The following ACSM3 variants were observed in gnomAD, a reference collection of about 807,000 sequenced individuals.
ACSM3 encodes acyl-CoA synthetase medium chain family member 3.
ACSM3 carries 61 observed loss-of-function variants against 74.1 expected under a neutral mutation model. The ratio of observed to expected loss-of-function variants is 0.82; its 90% CI spans 0.67 to 1.02. The LOEUF (loss-of-function observed/expected upper bound fraction) is 1.02. Among genes scored for constraint, ACSM3 ranks in the 50% least tolerant of loss-of-function variants. The pLI is 0.00. For synonymous variants in ACSM3, 213 were observed against 241.5 expected (o/e 0.88, Z 1.09); for missense variants, 660 against 697.0 (o/e 0.95, Z 0.60).
intron 1 of ACSM3, among the ~76,000 whole-genome samples, chr16:20,739,909 A>G (rs1044384805): frequency 1.3e-5 from 2 of 152,154 alleles, no homozygotes; most frequent in Admixed American, 6.5e-5. Flanking sequence ...TTTCAAAAGC[A>G]TCCTGACAGT....
rs2080566601 is a variant in ACSM3 at position 20,790,201 on chromosome 16, C to T, written c.1225-386C>T. Among the ~76,000 whole-genome samples, 1 of 151,956 alleles carries T rather than the reference C, an allele frequency of 6.6e-6. No individual in the cohort carries two copies. Among genetic ancestry groups the T allele is most frequent in the Admixed American group, 6.6e-5 (1 of 15,252 alleles). ...GTGCAGTGGCTCATGCCTATAATCCCAGCACTTTGGGAGGCCAAGGCTGGA... is the reference window on the plus strand; with the variant it reads ...GTGCAGTGGCTCATGCCTATAATCCTAGCACTTTGGGAGGCCAAGGCTGGA... On this transcript the variant is annotated intron_variant, in intron 9 of 13. Transcript: ENST00000289416. The surrounding 1 kb of genome is among the most constrained non-coding windows in gnomAD (Gnocchi z 4.0).
chr16:20,777,943 C>G (rs927452593), intron 4 of ACSM3, among the ~76,000 whole-genome samples: 12 of 152,214 alleles, frequency 7.9e-5, no homozygotes, highest in African/African-American at 2.9e-4. Flanking sequence ...GAAGGACCTC[C>G]TCAAAGCTGT....
chr16:20,677,240 A>G (rs527652108), intron 1 of ACSM3, among the ~76,000 whole-genome samples: 50 of 151,882 alleles, frequency 3.3e-4, no homozygotes, highest in African/African-American at 1.2e-3. Flanking sequence ...AAAAAAAAAA[A>G]AGCCTTGACT....
chr16:20,691,034 G>A (rs763086324), intron 1 of ACSM3: 5 of 1,613,440 alleles, frequency 3.1e-6, no homozygotes, highest in Non-Finnish European at 4.2e-6. Context: ...TACATAACTT[G>A]CAAAGTTAAA....
At chr16:20,777,654 G>A (rs2152462187) in intron 4 of ACSM3, 74 bp downstream of exon 4, 1 of 1,342,468 alleles carries the variant, frequency 7.4e-7, no homozygotes, top group Non-Finnish European at 1.0e-6. Context: ...AAACCCAGCA[G>A]TGATTAGAAA....
intron 1 of ACSM3, among the ~76,000 whole-genome samples, chr16:20,678,283 C>T (rs1165143852): frequency 6.6e-6 from 1 of 151,980 alleles, no homozygotes; most frequent in Non-Finnish European, 1.5e-5. Context: ...AAGGAACTGA[C>T]CTGAAAAAAA....
At chr16:20,697,944 C>G (rs909887630) in intron 1 of ACSM3, among the ~76,000 whole-genome samples, 6 of 152,150 alleles carry the variant, frequency 3.9e-5, no homozygotes, top group African/African-American at 1.4e-4. Context: ...CCTGTAATCC[C>G]AGCACATTGG....
intron 1 of ACSM3, chr16:20,697,603 A>G (rs2079696929): frequency 6.8e-6 from 1 of 146,286 alleles, no homozygotes; most frequent in South Asian, 2.2e-4. Context: ...ACACACACAC[A>G]CAGATAGAAG....
At chr16:20,741,960 C>G in intron 1 of ACSM3, 1 of 1,530,552 alleles carries the variant, frequency 6.5e-7, no homozygotes. Flanking sequence ...CGCCTCCCGA[C>G]TGCAACCTGA....
intron 1 of ACSM3, among the ~76,000 whole-genome samples, chr16:20,739,683 T>A (rs1009784128): frequency 1.3e-5 from 2 of 151,868 alleles, no homozygotes; most frequent in African/African-American, 4.8e-5. Context: ...TAGCCCGATG[T>A]GGTGGCAGAC....
At chr16:20,720,724 T>C (rs1334685106) in intron 1 of ACSM3, among the ~76,000 whole-genome samples, 2 of 152,258 alleles carry the variant, frequency 1.3e-5, no homozygotes, top group Non-Finnish European at 2.9e-5. Context: ...AACCTACATT[T>C]GTAAAATAAG....
At chr16:20,760,502 A>G (rs907453466), upstream of ACSM3, among the ~76,000 whole-genome samples, 1 of 152,210 alleles carries the variant, frequency 6.6e-6, no homozygotes, top group Admixed American at 6.5e-5. Context: ...TTAATCAAGC[A>G]TTACAACATT....
chr16:20,693,141 G>T (rs1039286705), intron 1 of ACSM3, among the ~76,000 whole-genome samples: 1 of 150,500 alleles, frequency 6.6e-6, no homozygotes, highest in Non-Finnish European at 1.5e-5. Flanking sequence ...CTGCACTGAA[G>T]CCTGGGCAAC....
chr16:20,776,094 G>C (rs2080253009), intron 3 of ACSM3, 45 bp downstream of exon 3: 1 of 1,593,164 alleles, frequency 6.3e-7, no homozygotes, highest in South Asian at 1.1e-5. Context: ...CTAAGCTGGA[G>C]GGGAGATTTT....
intron 1 of ACSM3, among the ~76,000 whole-genome samples, chr16:20,686,715 G>A (rs1201653695): frequency 6.6e-6 from 1 of 152,200 alleles, no homozygotes; most frequent in Non-Finnish European, 1.5e-5. Flanking sequence ...TTGGGAGGCT[G>A]AGGCAGGAGG....
intron 1 of ACSM3, among the ~76,000 whole-genome samples, chr16:20,744,095 C>G (rs1460136914): frequency 1.3e-5 from 2 of 152,122 alleles, no homozygotes; most frequent in Non-Finnish European, 2.9e-5. Flanking sequence ...CGGCCCAACA[C>G]AAATTAATAA....
Position 20,790,321 on chromosome 16 carries a change from G to A in ACSM3, c.1225-266G>A, listed in dbSNP as rs1428120591. ...AAACATTAGCTGAGCATAATGACAT[G>A]TGCTTGTAGCCCCAGATACTTGGGA... On this transcript the variant is annotated intron_variant, in intron 9 of 13. Coordinates refer to ENST00000289416, the MANE Select transcript of ACSM3 (RefSeq NM_005622.4). The surrounding 1 kb of genome is among the most constrained non-coding windows in gnomAD (Gnocchi z 4.0). Among the ~76,000 whole-genome samples, 1 of 152,100 alleles carries A rather than the reference G, an allele frequency of 6.6e-6. No individual in the cohort carries two copies. The highest frequency in any genetic ancestry group is 1.5e-5 in the Non-Finnish European group (1 of 68,026).
At chr16:20,743,620 A>T (rs2079946062) in intron 1 of ACSM3, 2 of 151,544 alleles carry the variant, frequency 1.3e-5, no homozygotes, top group South Asian at 4.2e-4. Flanking sequence ...CTAGGTTCTA[A>T]CCCCAGATCT....
chr16:20,741,955 C>T (rs1315707236), intron 1 of ACSM3: 1 of 1,531,036 alleles, frequency 6.5e-7, no homozygotes, highest in Admixed American at 2.0e-5. Context: ...TGCCCCGCCT[C>T]CCGACTGCAA....
Sources: allele counts gnomAD v4.1 joint callset (sites outside exome capture counted in the v4.1 genomes callset), GRCh38; gene constraint gnomAD v4.1.1; non-coding constraint Gnocchi (gnomAD v3.1); transcripts MANE v1.5; gene names NCBI Gene and HGNC (gene_info 2026-07-23, HGNC 2026-07-21).